Variants in LCMT1 observed in about 807,000 individuals in gnomAD.
LCMT1 encodes the protein leucine carboxyl methyltransferase 1, also known as [Phosphatase 2A protein]-leucine-carboxy methyltransferase 1.
LCMT1 carries 32 observed loss-of-function variants against 47.7 expected under a neutral mutation model. The observed-to-expected ratio is 0.67, with a 90% CI of 0.51 to 0.90. The LOEUF is 0.90. LCMT1 is among the 40% of genes least tolerant of loss of function. The probability of loss-of-function intolerance (pLI) is 0.00; values close to 1 mark genes in which losing one functional copy is unlikely to be tolerated. For missense variants in LCMT1, 375 were observed against 415.2 expected, an observed-to-expected ratio of 0.90 and a Z score of 0.84; for synonymous variants, 152 against 149.7, an observed-to-expected ratio of 1.02 and a Z score of -0.11.
chr16:25,128,961 G>A (rs556484520), intron 2 of LCMT1, among the ~76,000 whole-genome samples: 1 of 142,612 alleles, frequency 7.0e-6, no homozygotes, highest in African/African-American at 2.6e-5. Flanking sequence ...GTGCATGCAG[G>A]GCTTAAAAAT....
chr16:25,129,635 A>G (rs1356069631), intron 2 of LCMT1, among the ~76,000 whole-genome samples: 8 of 152,244 alleles, frequency 5.3e-5, no homozygotes, highest in Non-Finnish European at 1.2e-4. Flanking sequence ...ACTGCTTTAT[A>G]GTACAGGTAT....
intron 9 of LCMT1, among the ~76,000 whole-genome samples, chr16:25,174,426 CTT>C (rs781166974): frequency 2.2e-4 from 33 of 152,228 alleles, no homozygotes; most frequent in Non-Finnish European, 4.6e-4. Context: ...ATTTGTCTCA[CTT>C]TTTCTTTACA....
intron 1 of LCMT1, among the ~76,000 whole-genome samples, chr16:25,124,197 A>G (rs1712716753): frequency 6.6e-6 from 1 of 152,202 alleles, no homozygotes; most frequent in Admixed American, 6.5e-5. Flanking sequence ...GTTATTATAA[A>G]ACAGTAAAAC....
intron 1 of LCMT1, among the ~76,000 whole-genome samples, chr16:25,124,637 G>A (rs1367621604): frequency 2.6e-5 from 4 of 152,216 alleles, no homozygotes; most frequent in Non-Finnish European, 5.9e-5. Context: ...GAGCAGGGAG[G>A]CCCCTTTTCA....
chr16:25,162,832 A>G (rs1038663619), intron 6 of LCMT1, among the ~76,000 whole-genome samples: 2 of 152,108 alleles, frequency 1.3e-5, no homozygotes, highest in Admixed American at 6.6e-5. Context: ...TTGTAAATAT[A>G]TGTTTTTCTT....
rs115230091 is a variant in LCMT1, at chr16:25,168,211, G to C, written c.691-901G>C. On this transcript the variant is annotated intron_variant, in intron 7 of 10. Coordinates refer to ENST00000399069, the MANE Select transcript of LCMT1 (RefSeq NM_016309.3). ...TAACAGGCACGTGCCACTGCGCCTG[G>C]CTGATTTTTGTATTTTTAGTGGGGA... is the stretch of plus-strand genomic sequence containing the variant. Among the ~76,000 whole-genome samples the C allele has an allele frequency of 4.9e-3, 740 of 151,786 alleles. 12 individuals carry two copies. The highest frequency in any genetic ancestry group is 0.017 in the African/African-American group (711 of 41,358).
At chr16:25,137,836 C>T (rs1387235035) in intron 3 of LCMT1, among the ~76,000 whole-genome samples, 1 of 152,164 alleles carries the variant, frequency 6.6e-6, no homozygotes, top group Non-Finnish European at 1.5e-5. Context: ...CTGTATCTTT[C>T]AGCCCTGATG....
At chr16:25,172,103 C>T (rs1303462886) in intron 9 of LCMT1, among the ~76,000 whole-genome samples, 4 of 152,006 alleles carry the variant, frequency 2.6e-5, no homozygotes, top group East Asian at 3.9e-4. Context: ...GTTAGGAGTT[C>T]GATACCAGCC....
At chr16:25,156,891 T>A (rs1961272911) in intron 5 of LCMT1, among the ~76,000 whole-genome samples, 1 of 151,460 alleles carries the variant, frequency 6.6e-6, no homozygotes, top group East Asian at 1.9e-4. Flanking sequence ...TCAGACAAAC[T>A]AATCCTCTGT....
At chr16:25,136,781 C>T (rs141978284) in intron 3 of LCMT1, among the ~76,000 whole-genome samples, 1 of 152,194 alleles carries the variant, frequency 6.6e-6, no homozygotes, top group East Asian at 1.9e-4. Context: ...TCAAGTGATC[C>T]ACCACCCTCA....
intron 4 of LCMT1, chr16:25,143,859 C>T (rs982064587): frequency 2.6e-5 from 4 of 152,222 alleles, no homozygotes; most frequent in Non-Finnish European, 2.9e-5. Flanking sequence ...TAACTTTCAA[C>T]TGGTCAGTTC....
At chr16:25,123,855 C>T (rs1015936073) in intron 1 of LCMT1, among the ~76,000 whole-genome samples, 9 of 151,886 alleles carry the variant, frequency 5.9e-5, no homozygotes, top group Non-Finnish European at 7.4e-5. Context: ...GTGATCCGCC[C>T]GCCTCGGCCT....
chr16:25,140,285 G>T (rs1210837909), intron 4 of LCMT1, 38 bp downstream of exon 4: 3 of 1,436,178 alleles, frequency 2.1e-6, no homozygotes, highest in Middle Eastern at 1.7e-4. Context: ...AAGCCAGCGA[G>T]AATTCAGATC....
intron 1 of LCMT1, among the ~76,000 whole-genome samples, chr16:25,119,602 T>C (rs1428592688): frequency 6.6e-6 from 1 of 152,162 alleles, no homozygotes; most frequent in South Asian, 2.1e-4. Flanking sequence ...GTGAAAATTA[T>C]AGAACTTAAT....
chr16:25,156,802 G>C (rs778637562), intron 5 of LCMT1, among the ~76,000 whole-genome samples: 31 of 152,320 alleles, frequency 2.0e-4, no homozygotes, highest in Non-Finnish European at 4.3e-4. Flanking sequence ...TAAGCCCCAT[G>C]AGGGCAGGGA....
chr16:25,132,413 C>T lies in LCMT1; in HGVS notation c.217C>T (p.Arg73Ter), dbSNP rs1648832664. The change falls in exon 3 of 11, where the codon CGA (arginine) becomes TGA (stop). Residue 73 changes from arginine (R) to a stop codon, truncating the protein, a stop_gained. Coordinates refer to ENST00000399069, the MANE Select transcript of LCMT1 (RefSeq NM_016309.3). LOFTEE classifies it high-confidence loss of function. ...CCCCTCCCCCCTAGGATATTTTGCT[C>T]GAGTCCATGGTGTCAGTCAGCTTAT... ...APEINRGYFA[R>*]VHGVSQLIKA... The T allele has an allele frequency of 1.2e-6, 2 of 1,613,546 alleles. No homozygotes were observed. The highest frequency in any genetic ancestry group is 2.2e-5 in the East Asian group (1 of 44,864).
intron 1 of LCMT1, among the ~76,000 whole-genome samples, chr16:25,113,736 A>G (rs1214206796): frequency 6.6e-6 from 1 of 152,178 alleles, no homozygotes; most frequent in African/African-American, 2.4e-5. Context: ...GCCGGGTTCA[A>G]GTGATTCTCC....
intron 2 of LCMT1, among the ~76,000 whole-genome samples, chr16:25,130,408 T>C (rs981073550): frequency 6.6e-6 from 1 of 151,874 alleles, no homozygotes; most frequent in Non-Finnish European, 1.5e-5. Context: ...TCCTAACACT[T>C]TGGGAGGCCG....
intron 3 of LCMT1, 26 bp from the exon 4 acceptor site, chr16:25,140,144 TA>T: frequency 1.3e-6 from 2 of 1,542,488 alleles, no homozygotes; most frequent in Non-Finnish European, 1.8e-6. Flanking sequence ...AGTAAAGAAA[TA>T]AAAAGTATTG....
Sources: allele counts gnomAD v4.1 joint callset (sites outside exome capture counted in the v4.1 genomes callset), GRCh38; gene constraint gnomAD v4.1.1; transcripts MANE v1.5; gene names NCBI Gene and HGNC (gene_info 2026-07-23, HGNC 2026-07-21).